Variants in SYN3 observed in about 807,000 individuals in gnomAD.
SYN3 encodes the protein synapsin-3.
SYN3 carries 35 observed loss-of-function variants against 65.8 expected under a neutral mutation model. That is an observed-to-expected ratio of 0.53 (90% CI 0.41 to 0.70). The LOEUF is 0.70. Among genes scored for constraint, SYN3 ranks in the 30% least tolerant of loss-of-function variants. SYN3 has a pLI of 0.00. For synonymous variants in SYN3, 270 were observed against 292.9 expected (o/e 0.92, Z 0.80); for missense variants, 680 against 749.0 (o/e 0.91, Z 1.08).
At chr22:32,712,058 G>T (rs2060973364) in intron 6 of SYN3, among the ~76,000 whole-genome samples, 1 of 152,124 alleles carries the variant, frequency 6.6e-6, no homozygotes, top group Admixed American at 6.5e-5. Context: ...TTAATCCCAG[G>T]CTAACAACCT....
intron 1 of SYN3, among the ~76,000 whole-genome samples, chr22:33,029,962 C>T (rs974416961): frequency 2.0e-5 from 3 of 152,166 alleles, no homozygotes; most frequent in Non-Finnish European, 2.9e-5. Flanking sequence ...CCCTTCCCTA[C>T]GTTTTCCTAC....
intron 10 of SYN3, among the ~76,000 whole-genome samples, chr22:32,529,275 G>A (rs977831734): frequency 2.0e-5 from 3 of 152,170 alleles, no homozygotes; most frequent in Non-Finnish European, 4.4e-5. Flanking sequence ...AGCCTCTGCC[G>A]ACCTTTTCTG....
chr22:32,841,692 G>A (rs934755112), intron 6 of SYN3, among the ~76,000 whole-genome samples: 1 of 100 alleles, frequency 0.01, no homozygotes, highest in African/African-American at 0.025. Context: ...TGGTGGGTGG[G>A]GTAGGGGAGG....
intron 13 of SYN3, among the ~76,000 whole-genome samples, chr22:32,517,031 A>G (rs974915721): frequency 6.6e-5 from 10 of 152,196 alleles, no homozygotes; most frequent in Non-Finnish European, 1.5e-4. Context: ...AAACCAAGAG[A>G]TGGGCCTGAG....
intron 7 of SYN3, among the ~76,000 whole-genome samples, chr22:32,570,525 A>T (rs2058744968): frequency 2.8e-5 from 4 of 144,906 alleles, no homozygotes; most frequent in Admixed American, 6.9e-5. Context: ...TCTCCCAGGT[A>T]GATCTGGGAG....
intron 1 of SYN3, among the ~76,000 whole-genome samples, chr22:33,015,840 C>CTTTTTTTTTTTTTTT (rs758927603): frequency 7.1e-6 from 1 of 139,982 alleles, no homozygotes. Context: ...GGCAAATTTT[C>CTTTTTTTTTTTTTTT]TTTTCTTTTT....
intron 4 of SYN3, among the ~76,000 whole-genome samples, chr22:32,890,432 G>A (rs980452961): frequency 6.7e-4 from 101 of 151,776 alleles, no homozygotes; most frequent in Non-Finnish European, 1.0e-4. Context: ...CAAGGCTGGA[G>A]TGCAGTGGCA....
At chr22:32,563,196 A>T (rs999694494) in intron 7 of SYN3, among the ~76,000 whole-genome samples, 2 of 152,186 alleles carry the variant, frequency 1.3e-5, no homozygotes, top group African/African-American at 4.8e-5. Flanking sequence ...AAGTAAATTA[A>T]CTCATGGGAA....
intron 4 of SYN3, among the ~76,000 whole-genome samples, chr22:32,875,701 G>A (rs765333247): frequency 1.3e-5 from 2 of 152,164 alleles, no homozygotes; most frequent in Non-Finnish European, 2.9e-5. Flanking sequence ...TCAGAGATTG[G>A]AGTGATGTGT....
At chr22:32,665,489 G>A (rs199758522) in intron 6 of SYN3, among the ~76,000 whole-genome samples, 1 of 141,360 alleles carries the variant, frequency 7.1e-6, no homozygotes, top group Non-Finnish European at 1.5e-5. Context: ...CACAGTGTGT[G>A]TATATATATA....
intron 3 of SYN3, among the ~76,000 whole-genome samples, chr22:32,931,924 T>C (rs1436564941): frequency 1.0e-4 from 4 of 38,906 alleles, no homozygotes; most frequent in Non-Finnish European, 2.0e-4. Context: ...ACATTTTCTC[T>C]AGATTTTCTC....
At chr22:32,954,913 T>G (rs1310414354) in intron 3 of SYN3, among the ~76,000 whole-genome samples, 2 of 151,708 alleles carry the variant, frequency 1.3e-5, no homozygotes, top group Non-Finnish European at 2.9e-5. Flanking sequence ...TCATCAAAGC[T>G]CTAAGAAATT....
At chr22:32,838,926 C>A (rs1190726439) in intron 6 of SYN3, among the ~76,000 whole-genome samples, 2 of 151,468 alleles carry the variant, frequency 1.3e-5, no homozygotes, top group Non-Finnish European at 2.9e-5. Context: ...GTCCAAGGAA[C>A]CAATCATTAA....
intron 6 of SYN3, among the ~76,000 whole-genome samples, chr22:32,701,616 G>C (rs1372733140): frequency 6.6e-6 from 1 of 152,110 alleles, no homozygotes; most frequent in Non-Finnish European, 1.5e-5. Context: ...AATTTATAGA[G>C]ATAAAACATA....
At chr22:32,678,729 T>A (rs1369087414) in intron 6 of SYN3, among the ~76,000 whole-genome samples, 1 of 152,102 alleles carries the variant, frequency 6.6e-6, no homozygotes, top group Non-Finnish European at 1.5e-5. Flanking sequence ...CATCCTCTCC[T>A]TTGCAAAACA....
intron 7 of SYN3, among the ~76,000 whole-genome samples, chr22:32,579,570 G>A (rs565828208): frequency 1.3e-5 from 2 of 152,240 alleles, no homozygotes; most frequent in South Asian, 4.1e-4. Context: ...TCCAACATAT[G>A]AACCTAATAA....
intron 6 of SYN3, among the ~76,000 whole-genome samples, chr22:32,604,090 G>A (rs2059328110): frequency 6.6e-6 from 1 of 152,224 alleles, no homozygotes; most frequent in Admixed American, 6.5e-5. Flanking sequence ...CACAGAGTCA[G>A]AGAAACAGGA....
intron 4 of SYN3, among the ~76,000 whole-genome samples, chr22:32,884,002 C>A (rs932572192): frequency 1.3e-5 from 2 of 152,188 alleles, no homozygotes; most frequent in Non-Finnish European, 2.9e-5. Flanking sequence ...GTGGTAACAA[C>A]ACTTAGGTAT....
chr22:32,688,864 C>T (rs915595205), intron 6 of SYN3, among the ~76,000 whole-genome samples: 3 of 152,206 alleles, frequency 2.0e-5, no homozygotes, highest in Admixed American at 2.0e-4. Flanking sequence ...GGGCTGGTGT[C>T]TAGGGAGAGG....
Sources: gnomAD v4.1 joint callset for allele counts (sites outside exome capture counted in the v4.1 genomes callset) on GRCh38, gnomAD v4.1.1 for gene constraint, MANE v1.5 for transcripts, NCBI Gene and HGNC (gene_info 2026-07-23, HGNC 2026-07-21) for gene names.